PKD1: variants seen among roughly 807,000 people sequenced by gnomAD.
PKD1 encodes polycystin-1.
Under a neutral mutation model 361.7 loss-of-function variants are expected in PKD1, and 81 were observed. The ratio of observed to expected loss-of-function variants is 0.22; its 90% CI spans 0.19 to 0.27. The LOEUF (loss-of-function observed/expected upper bound fraction) is 0.27, where lower values mean the gene tolerates loss of function less well. PKD1 is among the 10% of genes least tolerant of loss of function. The pLI is 1.00. For synonymous variants in PKD1, 3,615 were observed against 2,818.3 expected, an observed-to-expected ratio of 1.28 and a Z score of -8.95; for missense variants, 6,399 against 6,118.3, an observed-to-expected ratio of 1.05 and a Z score of -1.53.
chr16:2,108,574 G>A lies in PKD1; in HGVS notation c.6593C>T (p.Pro2198Leu), dbSNP rs559786408. The A allele has an allele frequency of 3.4e-4, 526 of 1,565,284 alleles. 3 individuals are homozygous for A. In the South Asian group the frequency reaches 5.1e-3, roughly 15 times the overall value. ...CAGGGCCACACGCGCTGGGCGCCCCGGCCGCTGGCAGCTGGCGGTGCGATA... is the reference window on the plus strand; with the variant it reads ...CAGGGCCACACGCGCTGGGCGCCCCAGCCGCTGGCAGCTGGCGGTGCGATA... ...EVYRTASCQR[P>L]GRPARVALPG... Residue 2198 changes from proline to leucine, a missense_variant, in exon 15 of 46, where the codon CCG (proline) becomes CTG (leucine). Transcript: ENST00000262304.
chr16:2,096,773 T>C, intron 34 of PKD1: 1 of 251,276 alleles, frequency 4.0e-6, no homozygotes, highest in South Asian at 5.5e-5. Context: ...CACCTCGGCC[T>C]CCCAAAGTGC....
chr16:2,121,295 G>A (rs2092716445), intron 1 of PKD1, among the ~76,000 whole-genome samples: 1 of 151,964 alleles, frequency 6.6e-6, no homozygotes, highest in Non-Finnish European at 1.5e-5. Context: ...AACCCGCGAG[G>A]CAGAGGTTGC....
intron 42 of PKD1, 44 bp downstream of exon 42, chr16:2,091,379 C>G (rs1802293125): frequency 1.9e-6 from 2 of 1,058,772 alleles, no homozygotes; most frequent in African/African-American, 3.5e-5. Flanking sequence ...GGGGGCGGGA[C>G]GCTGCCGGTG....
At chr16:2,099,461 G>C in intron 30 of PKD1, 183 bp downstream of exon 30, 1 of 697,348 alleles carries the variant, frequency 1.4e-6, no homozygotes. Flanking sequence ...TCTGGCTTCT[G>C]AGTCTTCTCT....
Position 2,088,937 on chromosome 16 carries a change from G to C in PKD1, c.*790C>G, listed in dbSNP as rs577103612. 1.9e-5 allele frequency: 7 copies of C among 377,224 alleles called. No individual in the cohort carries two copies. The East Asian group carries it at 2.6e-4, about 14-fold the overall frequency. The allele number at this position is 377,224 out of a possible 1,614,324, so 23.4% of individuals were successfully genotyped here. On this transcript the variant is annotated 3_prime_UTR_variant, in exon 46 of 46. Coordinates refer to ENST00000262304, the MANE Select transcript of PKD1 (RefSeq NM_001009944.3). ...CACCCTGGGAGCCAGCCCCCAGGAG[G>C]AGTCTTTTCCTCTAACCACCCTGGG...
At position 2,111,606 on chromosome 16, in the gene PKD1, G is replaced by A; in HGVS notation, c.3561C>T (p.Tyr1187=). ...TGTTGTTGACCTCCAGGCGCACGTG[G>A]TAGGTGCCCCTCGAGGCATAGGTGT... ...ANHTYASRGT[Y]HVRLEVNNTV... Residue 1187 remains tyrosine (Y), a synonymous_variant, in exon 15 of 46, where the codon TAC becomes TAT. Transcript: ENST00000262304. The A allele has an allele frequency of 1.3e-6, 2 of 1,574,800 alleles. No homozygotes were observed. Among genetic ancestry groups the A allele is most frequent in the East Asian group, 2.3e-5 (1 of 42,816 alleles).
At chr16:2,104,179 G>A (rs1478501825) in intron 22 of PKD1, among the ~76,000 whole-genome samples, 1 of 22,106 alleles carries the variant, frequency 4.5e-5, no homozygotes, top group Non-Finnish European at 8.7e-5. Flanking sequence ...AGGAGCAGGG[G>A]GAAAGGGAGG....
Position 2,092,120 on chromosome 16 carries a change from C to A in PKD1, c.11338G>T (p.Asp3780Tyr). ...GGACTCTCCCAGCCAACGTCGTAAT[C>A]GCTGGTGCTGAAGCCTCCTGCGGCC... ...CSAAGGFSTS[D>Y]YDVGWESPHN... The change falls in exon 40 of 46, where the codon GAT (aspartate) becomes TAT (tyrosine). Residue 3780 changes from aspartate to tyrosine, a missense_variant. Coordinates refer to ENST00000262304, the MANE Select transcript of PKD1 (RefSeq NM_001009944.3). The A allele has an allele frequency of 1.2e-6, 2 of 1,612,892 alleles. No homozygotes were observed. The highest frequency in any genetic ancestry group is 8.5e-7 in the Non-Finnish European group (1 of 1,179,994).
chr16:2,111,931 G>A (rs1180696761), intron 14 of PKD1, 60 bp from the exon 15 acceptor site: 33 of 1,581,548 alleles, frequency 2.1e-5, no homozygotes, highest in East Asian at 1.4e-4. Context: ...CCACCCGCTC[G>A]GCAGAAGCCC....
In PKD1 at chr16:2,091,920, G is replaced by A. The variant is rs897735779; in HGVS notation, c.11412-14C>T. 1 of 1,611,474 alleles carries A rather than the reference G, an allele frequency of 6.2e-7. No individual in the cohort carries two copies. The highest frequency in any genetic ancestry group is 1.7e-5 in the Admixed American group (1 of 59,958). ...CAGGACCATGCCCTGCCGGAGAGGGGTGGCGTGGGTGCCGCACCCCAGCCC... is the reference window on the plus strand; with the variant it reads ...CAGGACCATGCCCTGCCGGAGAGGGATGGCGTGGGTGCCGCACCCCAGCCC... On this transcript the variant is annotated splice_polypyrimidine_tract_variant and intron_variant, in intron 40 of 45. Coordinates refer to ENST00000262304, the MANE Select transcript of PKD1 (RefSeq NM_001009944.3).
chr16:2,115,302 G>A (rs2092613020), intron 10 of PKD1, 76 bp downstream of exon 10: 4 of 1,386,996 alleles, frequency 2.9e-6, no homozygotes, highest in East Asian at 2.5e-5. Flanking sequence ...CTGGTGCACA[G>A]ACCCAGACCC....
chr16:2,097,020 A>G (rs2091875893), intron 34 of PKD1, 128 bp downstream of exon 34: 1 of 688,616 alleles, frequency 1.5e-6, no homozygotes, highest in East Asian at 2.7e-5. Context: ...AGAGAAGTGA[A>G]GTGGTGCAGC....
chr16:2,092,054 G>C lies in PKD1; in HGVS notation c.11404C>G (p.Leu3802Val). The C allele has an allele frequency of 1.2e-6, 2 of 1,612,818 alleles. No homozygotes were observed. The highest frequency in any genetic ancestry group is 1.1e-5 in the South Asian group (1 of 91,084). ...GGCCCTCGCTCTGCTCACCCCAGCA[G>C]ATCCGGCGCTGAATAGGCCCACGTC... The part of the protein sequence containing the change: ...SGTWAYSAPD[L>V]LGAWSWGSCA... The change falls in exon 40 of 46, where the codon CTG becomes GTG. Residue 3802 changes from leucine to valine, a missense_variant. Transcript: ENST00000262304.
rs2092052074 is a variant in PKD1 at position 2,100,543 on chromosome 16, T to C, written c.9421A>G (p.Met3141Val). The C allele has an allele frequency of 2.5e-6, 4 of 1,610,492 alleles. No individual in the cohort carries two copies. Among genetic ancestry groups the C allele is most frequent in the Non-Finnish European group, 2.5e-6 (3 of 1,179,684 alleles). The change falls in exon 27 of 46, where the codon ATG becomes GTG. Residue 3141 changes from methionine (M) to valine (V), a missense_variant. Met to Val is a conservative substitution (Grantham distance 21). Transcript: ENST00000262304. The surrounding 1 kb of genome is among the most constrained non-coding windows in gnomAD (Gnocchi z 4.4). ...CTCCGGCTGTCCACCCCATACAGCA[T>C]GATGCCCACGTGGGCCGTGGTACCT... is the stretch of plus-strand genomic sequence containing the variant. ...GSGTTAHVGI[M>V]LYGVDSRSGH...
At chr16:2,130,268 C>A (rs1472372365) in intron 1 of PKD1, among the ~76,000 whole-genome samples, 1 of 152,182 alleles carries the variant, frequency 6.6e-6, no homozygotes, top group Non-Finnish European at 1.5e-5. Flanking sequence ...GCTCGGCTGC[C>A]AGGGCTCTTC....
Position 2,112,334 on chromosome 16 carries a change from C to A in PKD1, c.3295+6G>T. ...GCAGTGGCCCCCTCACCCCCTCATC[C>A]CTCACCTGGGGCAGCGTAGGTGTGC... On this transcript the variant is annotated splice_donor_region_variant and intron_variant, in intron 14 of 45. Coordinates refer to ENST00000262304, the MANE Select transcript of PKD1 (RefSeq NM_001009944.3). 10 of 1,587,202 alleles carry A rather than the reference C, an allele frequency of 6.3e-6. No individual in the cohort carries two copies. Among genetic ancestry groups the A allele is most frequent in the Non-Finnish European group, 8.5e-6 (10 of 1,174,324 alleles).
intron 22 of PKD1, among the ~76,000 whole-genome samples, chr16:2,104,290 GGA>G (rs1324165904): frequency 1.4e-5 from 1 of 73,230 alleles, no homozygotes; most frequent in Non-Finnish European, 2.8e-5. Context: ...GGAGAAAAGG[GGA>G]GAGAGATGGA....
Position 2,097,517 on chromosome 16 carries a change from G to T in PKD1, c.10221-14C>A, listed in dbSNP as rs201207354. On this transcript the variant is annotated splice_polypyrimidine_tract_variant and intron_variant, in intron 32 of 45. Coordinates refer to ENST00000262304, the MANE Select transcript of PKD1 (RefSeq NM_001009944.3). ...CAGCACACCAGACTGCAGGTGGCGC[G>T]GGTCAGCAAGGTACCAGGGGATGTG... 6.2e-7 allele frequency: 1 copy of T among 1,601,410 alleles called. No homozygotes were observed. The highest frequency in any genetic ancestry group is 2.2e-5 in the East Asian group (1 of 44,866).
At position 2,091,500 on chromosome 16, in the gene PKD1, C is replaced by A; in HGVS notation, c.11635G>T (p.Ala3879Ser). 1 of 1,421,986 alleles carries A rather than the reference C, an allele frequency of 7.0e-7. No homozygotes were observed. The highest frequency in any genetic ancestry group is 9.1e-7 in the Non-Finnish European group (1 of 1,096,306). 88.1% of individuals were successfully genotyped at this position (1,421,986 alleles called of 1,614,324 possible). A position where few individuals can be genotyped will look rare whatever the true frequency, so the allele number is the denominator to read the frequency against. The change falls in exon 42 of 46, where the codon GCC becomes TCC. Residue 3879 changes from alanine to serine, a missense_variant. Coordinates refer to ENST00000262304, the MANE Select transcript of PKD1 (RefSeq NM_001009944.3). ...LRLEFPAAGR[A>S]LAALSVRPFA... is the part of the protein sequence containing the mutation. ...GGGCGGACGCTGAGGGCGGCCAGGG[C>A]GCGGCCGGCCGCCGGGAACTCGAGG... is the stretch of plus-strand genomic sequence containing the variant.
Sources: gnomAD v4.1 joint callset for allele counts (sites outside exome capture counted in the v4.1 genomes callset) on GRCh38, gnomAD v4.1.1 for gene constraint, Gnocchi (gnomAD v3.1) non-coding constraint, MANE v1.5 for transcripts, NCBI Gene and HGNC (gene_info 2026-07-23, HGNC 2026-07-21) for gene names.